MRPL48: variants seen among roughly 807,000 people sequenced by gnomAD.
MRPL48 encodes mitochondrial ribosomal protein L48.
Under a neutral mutation model 32.9 loss-of-function variants are expected in MRPL48, and 16 were observed. The observed-to-expected ratio is 0.49, with a 90% CI of 0.33 to 0.74. The LOEUF (loss-of-function observed/expected upper bound fraction) is 0.74, where lower values mean the gene tolerates loss of function less well. Among genes scored for constraint, MRPL48 ranks in the 30% least tolerant of loss-of-function variants. MRPL48 has a pLI of 0.02. For missense variants in MRPL48, 206 were observed against 245.3 expected (o/e 0.84, Z 1.07); for synonymous variants, 94 against 89.2 (o/e 1.05, Z -0.31).
At chr11:73,793,346 G>C (rs1204219312) in intron 1 of MRPL48, among the ~76,000 whole-genome samples, 7 of 152,188 alleles carry the variant, frequency 4.6e-5, no homozygotes, top group Non-Finnish European at 1.0e-4. Context: ...ATTAATAGGC[G>C]TGAGCCACTG....
intron 3 of MRPL48, among the ~76,000 whole-genome samples, chr11:73,814,898 AG>A (rs893126247): frequency 2.0e-5 from 3 of 151,738 alleles, no homozygotes; most frequent in African/African-American, 7.3e-5. Flanking sequence ...CGGCAGCTGA[AG>A]GAGAATCCCT....
chr11:73,843,229 T>TTTTTC (rs1948224315), intron 4 of MRPL48: 1 of 148,606 alleles, frequency 6.7e-6, no homozygotes, highest in African/African-American at 2.5e-5. Flanking sequence ...AACTTTTTTT[T>TTTTTC]TTTTTTTTTC....
intron 4 of MRPL48, among the ~76,000 whole-genome samples, chr11:73,840,249 T>C (rs546367786): frequency 6.6e-6 from 1 of 152,256 alleles, no homozygotes; most frequent in Admixed American, 6.5e-5. Context: ...TCCTAATACT[T>C]TGGGAGGCCA....
At chr11:73,833,149 A>T (rs1565100704) in intron 4 of MRPL48, among the ~76,000 whole-genome samples, 1 of 152,008 alleles carries the variant, frequency 6.6e-6, no homozygotes, top group African/African-American at 2.4e-5. Flanking sequence ...ACATTTATTA[A>T]ATGCCACCTG....
intron 5 of MRPL48, chr11:73,851,142 C>T (rs1049790554): frequency 8.9e-6 from 4 of 449,798 alleles, no homozygotes; most frequent in South Asian, 6.8e-5. Flanking sequence ...TTGTCCTTAT[C>T]ACTTTGAGTA....
chr11:73,822,931 C>A, intron 3 of MRPL48: 1 of 447,312 alleles, frequency 2.2e-6, no homozygotes, highest in Non-Finnish European at 4.5e-6. Flanking sequence ...GTGAACTGCA[C>A]ATATGAGGGA....
Position 73,863,361 on chromosome 11 carries a change from G to A in MRPL48, c.564+100G>A, listed in dbSNP as rs1299610293. ...CTGGCTTTAGAAAGAACAGAGAAAT[G>A]TGGATAATGTGACCTAAATAATAAT... On this transcript the variant is annotated intron_variant, in intron 7 of 7. Transcript: ENST00000310614. 12 of 969,492 alleles carry A rather than the reference G, an allele frequency of 1.2e-5. No homozygotes were observed. In the East Asian group the frequency reaches 1.8e-4, roughly 15 times the overall value. 60.1% of individuals were successfully genotyped at this position (969,492 alleles called of 1,614,324 possible). A position where few individuals can be genotyped will look rare whatever the true frequency, so the allele number is the denominator to read the frequency against.
intron 1 of MRPL48, among the ~76,000 whole-genome samples, chr11:73,800,679 G>T (rs1947344533): frequency 6.6e-6 from 1 of 152,084 alleles, no homozygotes; most frequent in African/African-American, 2.4e-5. Flanking sequence ...TCCCAAAATA[G>T]ATTACTTTTG....
intron 4 of MRPL48, among the ~76,000 whole-genome samples, chr11:73,844,079 CAA>C (rs34070213): frequency 4.3e-5 from 6 of 139,686 alleles, no homozygotes; most frequent in Non-Finnish European, 6.3e-5. Context: ...AACTCCATCT[CAA>C]AAAAAAAAAA....
At chr11:73,807,631 C>CTTTTTTTT (rs777408873) in intron 2 of MRPL48, among the ~76,000 whole-genome samples, 11 of 106,820 alleles carry the variant, frequency 1.0e-4, no homozygotes, top group East Asian at 2.9e-4. Context: ...GTATTATTAT[C>CTTTTTTTT]TTTTTTTTTT....
intron 4 of MRPL48, among the ~76,000 whole-genome samples, chr11:73,835,042 A>G (rs1012369387): frequency 4.0e-5 from 6 of 150,510 alleles, no homozygotes; most frequent in Non-Finnish European, 8.8e-5. Context: ...CATGTTGCCC[A>G]GGCTTGTCTC....
At chr11:73,793,650 G>A (rs1427186231) in intron 1 of MRPL48, among the ~76,000 whole-genome samples, 3 of 152,038 alleles carry the variant, frequency 2.0e-5, no homozygotes, top group Admixed American at 6.5e-5. Context: ...GAGGAAGTTG[G>A]GAGGGAGAGA....
At chr11:73,824,707 AT>A (rs894216086) in intron 3 of MRPL48, among the ~76,000 whole-genome samples, 7 of 151,348 alleles carry the variant, frequency 4.6e-5, no homozygotes, top group African/African-American at 9.7e-5. Context: ...AGGCGAAAGG[AT>A]TTTTTTTTCA....
At chr11:73,850,235 TAAC>T (rs1356566069) in intron 5 of MRPL48, among the ~76,000 whole-genome samples, 1 of 151,052 alleles carries the variant, frequency 6.6e-6, no homozygotes, top group Non-Finnish European at 1.5e-5. Flanking sequence ...ATTATTTTAA[TAAC>T]AAAAATTTTT....
chr11:73,842,025 A>G (rs1948194450), intron 4 of MRPL48: 1 of 152,048 alleles, frequency 6.6e-6, no homozygotes, highest in Admixed American at 6.6e-5. Context: ...ATCACCACTC[A>G]CTGCAACCTC....
intron 5 of MRPL48, among the ~76,000 whole-genome samples, chr11:73,857,882 C>T (rs749394533): frequency 4.6e-5 from 7 of 151,742 alleles, no homozygotes; most frequent in South Asian, 2.1e-4. Flanking sequence ...CTTGAGCCAC[C>T]GCATGCATAG....
chr11:73,840,644 C>T (rs1173693842), intron 4 of MRPL48, among the ~76,000 whole-genome samples: 2 of 152,036 alleles, frequency 1.3e-5, no homozygotes, highest in East Asian at 3.9e-4. Flanking sequence ...GGACTACAGG[C>T]ACCCGCCACC....
chr11:73,806,443 G>C (rs1590941376), intron 2 of MRPL48, among the ~76,000 whole-genome samples: 1 of 152,008 alleles, frequency 6.6e-6, no homozygotes, highest in African/African-American at 2.4e-5. Flanking sequence ...TCCCATCCAA[G>C]AGGCCTTCCC....
intron 5 of MRPL48, among the ~76,000 whole-genome samples, chr11:73,857,085 T>C (rs1016431108): frequency 1.3e-5 from 2 of 152,080 alleles, no homozygotes; most frequent in Non-Finnish European, 2.9e-5. Flanking sequence ...AATGTTTATA[T>C]ACTTACTTAT....
Sources: allele counts gnomAD v4.1 joint callset (sites outside exome capture counted in the v4.1 genomes callset), GRCh38; gene constraint gnomAD v4.1.1; transcripts MANE v1.5; gene names NCBI Gene and HGNC (gene_info 2026-07-23, HGNC 2026-07-21).